The following KCNH7 variants were observed in gnomAD, a reference collection of about 807,000 sequenced individuals.
KCNH7 encodes potassium voltage-gated channel subfamily H member 7.
In KCNH7, 49 loss-of-function variants were observed where a neutral mutation model predicts 120.8. That is an observed-to-expected ratio of 0.41 (90% CI 0.32 to 0.51). KCNH7 has a LOEUF of 0.51. Ranked by LOEUF, KCNH7 falls within the 20% of genes least tolerant of loss-of-function variation. KCNH7 has a pLI of 0.38. For missense variants in KCNH7, 1,097 were observed against 1,446.6 expected, an observed-to-expected ratio of 0.76 and a Z score of 3.92; for synonymous variants, 547 against 516.1, an observed-to-expected ratio of 1.06 and a Z score of -0.81.
intron 11 of KCNH7, 133 bp downstream of exon 11, chr2:162,396,607 C>T (rs1221597426): frequency 9.2e-6 from 6 of 650,770 alleles, no homozygotes; most frequent in Non-Finnish European, 1.5e-5. Flanking sequence ...TTCAGTTGGC[C>T]TTTCCTTCCA....
chr2:162,435,630 T>C (rs768268114), intron 7 of KCNH7, 33 bp from the exon 8 acceptor site: 12 of 1,533,352 alleles, frequency 7.8e-6, no homozygotes, highest in African/African-American at 1.4e-5. Context: ...TCAGAAACGG[T>C]CGGCAAACAA....
At chr2:162,496,580 C>T (rs1690506872) in intron 6 of KCNH7, among the ~76,000 whole-genome samples, 1 of 152,132 alleles carries the variant, frequency 6.6e-6, no homozygotes, top group Non-Finnish European at 1.5e-5. Context: ...AAAAATTCTA[C>T]TCCACTCATT....
chr2:162,690,939 T>C (rs1231693294), intron 2 of KCNH7, among the ~76,000 whole-genome samples: 2 of 152,158 alleles, frequency 1.3e-5, no homozygotes, highest in Non-Finnish European at 2.9e-5. Context: ...TCAGGTCAGT[T>C]CCAATTATCT....
At chr2:162,766,650 GC>G (rs1404179479) in intron 2 of KCNH7, among the ~76,000 whole-genome samples, 1 of 152,078 alleles carries the variant, frequency 6.6e-6, no homozygotes. Flanking sequence ...AAACATTTGA[GC>G]AGCAGAGATT....
At chr2:162,434,816 T>C (rs1225333354) in intron 8 of KCNH7, among the ~76,000 whole-genome samples, 1 of 152,100 alleles carries the variant, frequency 6.6e-6, no homozygotes, top group Non-Finnish European at 1.5e-5. Flanking sequence ...GTACATTTTT[T>C]ATATCTATCT....
chr2:162,663,133 T>C (rs1349413223), intron 2 of KCNH7, among the ~76,000 whole-genome samples: 1 of 152,212 alleles, frequency 6.6e-6, no homozygotes, highest in Non-Finnish European at 1.5e-5. Flanking sequence ...TGTGTAGCCA[T>C]GGGTAATTCA....
chr2:162,776,359 T>C (rs1241497958), intron 2 of KCNH7, among the ~76,000 whole-genome samples: 3 of 152,170 alleles, frequency 2.0e-5, no homozygotes, highest in Non-Finnish European at 4.4e-5. Context: ...TTTCTCTCTG[T>C]TAAGTGTAGT....
chr2:162,805,441 T>A (rs1159171921), intron 2 of KCNH7, among the ~76,000 whole-genome samples: 1 of 152,040 alleles, frequency 6.6e-6, no homozygotes, highest in African/African-American at 2.4e-5. Flanking sequence ...TAGACATTTC[T>A]CAAAAGAGGA....
chr2:162,391,800 A>T (rs182325051), intron 12 of KCNH7, among the ~76,000 whole-genome samples: 290 of 152,180 alleles, frequency 1.9e-3, no homozygotes, highest in Non-Finnish European at 3.4e-3. Flanking sequence ...TATTGACAAC[A>T]TTGTTAACCT....
At chr2:162,439,148 T>C (rs992266693) in intron 7 of KCNH7, among the ~76,000 whole-genome samples, 1 of 152,126 alleles carries the variant, frequency 6.6e-6, no homozygotes. Flanking sequence ...TCCCAATTTT[T>C]TGATTTTTGA....
intron 2 of KCNH7, among the ~76,000 whole-genome samples, chr2:162,636,631 T>C (rs530521287): frequency 1.3e-5 from 2 of 152,264 alleles, no homozygotes; most frequent in East Asian, 3.9e-4. Context: ...TCATGTCACA[T>C]CACAAGTGCA....
intron 2 of KCNH7, among the ~76,000 whole-genome samples, chr2:162,782,711 A>C (rs573710092): frequency 1.3e-5 from 2 of 152,218 alleles, no homozygotes; most frequent in Non-Finnish European, 2.9e-5. Context: ...GATTCTGAGC[A>C]TGTTTCTGTT....
At chr2:162,565,292 A>G (rs1373908464) in intron 2 of KCNH7, among the ~76,000 whole-genome samples, 2 of 152,118 alleles carry the variant, frequency 1.3e-5, no homozygotes, top group Non-Finnish European at 2.9e-5. Flanking sequence ...TTTAGCAACA[A>G]TGCAAATACA....
chr2:162,644,322 A>G (rs751703823), intron 2 of KCNH7, among the ~76,000 whole-genome samples: 1 of 151,744 alleles, frequency 6.6e-6, no homozygotes, highest in Non-Finnish European at 1.5e-5. Flanking sequence ...TTTTTTTTTT[A>G]ATAAAGTTGT....
In KCNH7 at chr2:162,371,546, T is replaced by C. The variant is rs1311678965; in HGVS notation, c.*283A>G. On this transcript the variant is annotated 3_prime_UTR_variant, in exon 16 of 16. Transcript: ENST00000332142. ...AATAGGAGTCTCCATGCAAGAGAAA[T>C]TGGAGTTTCCTAACATGCATGTGAT... 3 of 978,890 alleles carry C rather than the reference T, an allele frequency of 3.1e-6. No individual in the cohort carries two copies. Among genetic ancestry groups the C allele is most frequent in the Non-Finnish European group, 4.0e-6 (3 of 747,782 alleles). 60.6% of individuals were successfully genotyped at this position (978,890 alleles called of 1,614,324 possible). A position where few individuals can be genotyped will look rare whatever the true frequency, so the allele number is the denominator to read the frequency against.
At chr2:162,669,237 A>T (rs1685252027) in intron 2 of KCNH7, among the ~76,000 whole-genome samples, 1 of 152,214 alleles carries the variant, frequency 6.6e-6, no homozygotes, top group Non-Finnish European at 1.5e-5. Flanking sequence ...TAAACTCAAA[A>T]GTCAAAATGA....
At chr2:162,799,945 C>T (rs1227053346) in intron 2 of KCNH7, among the ~76,000 whole-genome samples, 1 of 79,040 alleles carries the variant, frequency 1.3e-5, no homozygotes, top group African/African-American at 3.4e-5. Context: ...TTGTTTTACA[C>T]ACATACACAC....
chr2:162,606,122 T>C (rs764196701), intron 2 of KCNH7, among the ~76,000 whole-genome samples: 10 of 152,140 alleles, frequency 6.6e-5, no homozygotes, highest in Non-Finnish European at 1.3e-4. Flanking sequence ...GCTGATTACA[T>C]AGTGGAAGAT....
chr2:162,776,485 C>A (rs1031100760), intron 2 of KCNH7, among the ~76,000 whole-genome samples: 1 of 150,716 alleles, frequency 6.6e-6, no homozygotes, highest in African/African-American at 2.4e-5. Context: ...TAGAGACAGA[C>A]AAAAAGAGAG....
Sources: gnomAD v4.1 joint callset for allele counts (sites outside exome capture counted in the v4.1 genomes callset) on GRCh38, gnomAD v4.1.1 for gene constraint, MANE v1.5 for transcripts, NCBI Gene and HGNC (gene_info 2026-07-23, HGNC 2026-07-21) for gene names.